The following ATRX variants were observed in gnomAD, a reference collection of about 807,000 sequenced individuals.
ATRX encodes ATRX chromatin remodeler.
ATRX carries 12 observed loss-of-function variants against 172.6 expected under a neutral mutation model. The ratio of observed to expected loss-of-function variants is 0.07; its 90% CI spans 0.04 to 0.11. The LOEUF (loss-of-function observed/expected upper bound fraction) is 0.11, where lower values mean the gene tolerates loss of function less well. Among genes scored for constraint, ATRX ranks in the 10% least tolerant of loss-of-function variants. The pLI is 1.00. For missense variants in ATRX, 1,368 were observed against 1,767.4 expected (o/e 0.77, Z 4.05); for synonymous variants, 674 against 594.7 (o/e 1.13, Z -1.94).
intron 30 of ATRX, among the ~76,000 whole-genome samples, chrX:77,523,815 A>G (rs2063303205): frequency 9.0e-6 from 1 of 111,630 alleles, no homozygotes; most frequent in African/African-American, 3.3e-5. Flanking sequence ...CTTTATTTTC[A>G]CAATCATTTC....
chrX:77,778,439 T>C (rs1303560342), intron 1 of ATRX, among the ~76,000 whole-genome samples: 2 of 94,201 alleles, frequency 2.1e-5, no homozygotes, highest in African/African-American at 4.0e-5. Context: ...AAAAGCACAA[T>C]AGGCAGGGCG....
intron 28 of ATRX, among the ~76,000 whole-genome samples, chrX:77,566,923 A>G (rs2065219217): frequency 8.9e-6 from 1 of 112,131 alleles, no homozygotes; most frequent in South Asian, 3.7e-4. Flanking sequence ...AAGAATGATT[A>G]CACTGACTGA....
chrX:77,686,365 A>AT (rs1188557936), intron 7 of ATRX, among the ~76,000 whole-genome samples: 6 of 110,649 alleles, frequency 5.4e-5, no homozygotes, highest in Admixed American at 9.6e-5. Context: ...AATACAAACA[A>AT]TTTTTTTTTA....
intron 6 of ATRX, among the ~76,000 whole-genome samples, chrX:77,690,063 T>C (rs1431804671): frequency 2.7e-5 from 3 of 112,047 alleles, no homozygotes; most frequent in Non-Finnish European, 3.8e-5. Flanking sequence ...ATGAATATTT[T>C]TATTTGTAGA....
At chrX:77,627,181 C>T (rs1425686855) in intron 19 of ATRX, among the ~76,000 whole-genome samples, 2 of 110,330 alleles carry the variant, frequency 1.8e-5, no homozygotes, top group African/African-American at 3.3e-5. Context: ...CGCAGTGAGC[C>T]GAGATCGCGC....
chrX:77,748,689 T>C (rs899999191), intron 1 of ATRX, among the ~76,000 whole-genome samples: 5 of 108,773 alleles, frequency 4.6e-5, no homozygotes, highest in Admixed American at 4.0e-4. Flanking sequence ...TGGGTTCAAG[T>C]GATTTTCCCG....
chrX:77,754,360 T>C (rs782004087), intron 1 of ATRX, among the ~76,000 whole-genome samples: 2 of 111,813 alleles, frequency 1.8e-5, no homozygotes, highest in Non-Finnish European at 3.8e-5. Flanking sequence ...TATTATTATG[T>C]GTGAATTTGA....
intron 22 of ATRX, among the ~76,000 whole-genome samples, chrX:77,607,667 C>T (rs782172937): frequency 4.2e-5 from 4 of 94,735 alleles, no homozygotes; most frequent in Admixed American, 1.2e-4. Context: ...GAGCCAAGAT[C>T]GCACCACTGC....
intron 1 of ATRX, among the ~76,000 whole-genome samples, chrX:77,780,158 G>A (rs1182689935): frequency 9.0e-6 from 1 of 111,246 alleles, no homozygotes; most frequent in Non-Finnish European, 1.9e-5. Context: ...ATGATACTAT[G>A]ACAAGTATCA....
At chrX:77,517,713 C>CA (rs782810458) in intron 34 of ATRX, among the ~76,000 whole-genome samples, 2 of 111,285 alleles carry the variant, frequency 1.8e-5, no homozygotes, top group Admixed American at 9.5e-5. Flanking sequence ...ACAAACACAT[C>CA]AAAAAAAGAA....
chrX:77,688,716 G>A, intron 7 of ATRX, 102 bp downstream of exon 7: 1 of 671,486 alleles, frequency 1.5e-6, no homozygotes, highest in African/African-American at 2.1e-5. Flanking sequence ...TCCAAGGGCA[G>A]ATACCATTTT....
rs782511993 is a variant in ATRX at position 77,772,095 on chromosome X, G to A, written c.20+13887C>T. The stretch of plus-strand genomic sequence containing the variant: ...GGATCACCTGAGGTCAGGAGTTCGA[G>A]ACCATCCTGACCAACATGGGGAAAA... On this transcript the variant is annotated intron_variant, in intron 1 of 34. Transcript: ENST00000373344. Among the ~76,000 whole-genome samples the A allele has an allele frequency of 6.3e-5, 7 of 110,736 alleles. No individual in the cohort carries two copies. In the South Asian group the frequency reaches 2.7e-3, roughly 42 times the overall value.
chrX:77,744,003 AT>A (rs1170039362), intron 1 of ATRX, among the ~76,000 whole-genome samples: 6 of 112,551 alleles, frequency 5.3e-5, no homozygotes, highest in African/African-American at 1.9e-4. Context: ...GACACCATTA[AT>A]GCTATTTATA....
At chrX:77,675,649 T>C (rs998984377) in intron 10 of ATRX, 1 of 115,229 alleles carries the variant, frequency 8.7e-6, no homozygotes, top group Non-Finnish European at 1.8e-5. Context: ...ACCTATTAAG[T>C]CTTATTAAAG....
intron 1 of ATRX, among the ~76,000 whole-genome samples, chrX:77,781,520 A>G (rs1356036801): frequency 1.8e-5 from 2 of 109,824 alleles, no homozygotes; most frequent in Non-Finnish European, 3.8e-5. Context: ...CAAACATGTT[A>G]CCTCCTTCAG....
intron 4 of ATRX, 76 bp from the exon 5 acceptor site, chrX:77,696,780 T>C: frequency 9.5e-7 from 1 of 1,051,218 alleles, no homozygotes; most frequent in Non-Finnish European, 1.3e-6. Context: ...ATAAATAACA[T>C]GTTGAGATTG....
intron 15 of ATRX, among the ~76,000 whole-genome samples, chrX:77,651,389 T>C (rs1378235601): frequency 9.0e-6 from 1 of 111,513 alleles, no homozygotes. Context: ...AAATCTTTTA[T>C]GGATTTAAGA....
chrX:77,727,251 C>T (rs2074088120), intron 1 of ATRX, among the ~76,000 whole-genome samples: 2 of 111,630 alleles, frequency 1.8e-5, no homozygotes, highest in Admixed American at 1.9e-4. Flanking sequence ...ATTCGTTCAA[C>T]CATTGTGGAA....
At chrX:77,771,337 G>A (rs2076145775) in intron 1 of ATRX, among the ~76,000 whole-genome samples, 1 of 106,154 alleles carries the variant, frequency 9.4e-6, no homozygotes, top group Non-Finnish European at 1.9e-5. Context: ...GTGAGGCACT[G>A]CACTCCAGCC....
Sources: allele counts gnomAD v4.1 joint callset (sites outside exome capture counted in the v4.1 genomes callset), GRCh38; gene constraint gnomAD v4.1.1; transcripts MANE v1.5; gene names NCBI Gene and HGNC (gene_info 2026-07-23, HGNC 2026-07-21).